ADK: variants seen among roughly 807,000 people sequenced by gnomAD.
The protein encoded by ADK is adenosine kinase.
A neutral mutation model predicts 44.7 loss-of-function variants in ADK; 24 were observed. That is an observed-to-expected ratio of 0.54 (90% CI 0.39 to 0.76). ADK has a LOEUF of 0.76. ADK is among the 30% of genes least tolerant of loss of function. The pLI, the probability that ADK is intolerant of heterozygous loss-of-function variation, is 0.00. For synonymous variants in ADK, 128 were observed against 142.6 expected (o/e 0.90, Z 0.73); for missense variants, 321 against 425.1 (o/e 0.76, Z 2.15).
chr10:74,547,342 C>T (rs1362252840), intron 7 of ADK, among the ~76,000 whole-genome samples: 1 of 151,336 alleles, frequency 6.6e-6, no homozygotes, highest in Non-Finnish European at 1.5e-5. Context: ...CTCCTTCATG[C>T]CATTGCATTT....
At chr10:74,693,752 C>T (rs1856072215) in intron 10 of ADK, among the ~76,000 whole-genome samples, 2 of 152,266 alleles carry the variant, frequency 1.3e-5, no homozygotes, top group Middle Eastern at 3.4e-3. Context: ...CTGTGTTTCC[C>T]TAAGCCTAAG....
intron 3 of ADK, among the ~76,000 whole-genome samples, chr10:74,250,926 G>T (rs561304846): frequency 6.6e-6 from 1 of 151,874 alleles, no homozygotes; most frequent in East Asian, 1.9e-4. Flanking sequence ...ATTTTTGGTA[G>T]AGACAAGGTC....
rs535156436 is a variant in ADK at position 74,394,003 on chromosome 10, G to A, written c.274-138G>A. 1.5e-5 allele frequency: 13 copies of A among 870,944 alleles called. No homozygotes were observed. In the East Asian group the frequency reaches 2.9e-4, roughly 20 times the overall value. The allele number at this position is 870,944 out of a possible 1,614,324, so 54.0% of individuals were successfully genotyped here. A position where few individuals can be genotyped will look rare whatever the true frequency, so the allele number is the denominator to read the frequency against. On this transcript the variant is annotated intron_variant, in intron 4 of 10. Coordinates refer to ENST00000539909, the MANE Select transcript of ADK (RefSeq NM_006721.4). Reference sequence around the variant, plus strand: ...TAAGTTTTTTTAATCGTAAGTGATAGCACAGAATTGAAATCCCATTCATAA... The same window carrying A: ...TAAGTTTTTTTAATCGTAAGTGATAACACAGAATTGAAATCCCATTCATAA...
chr10:74,691,049 A>C lies in ADK; in HGVS notation c.965-17272A>C, dbSNP rs535160990. ...TTCCTAAAGCAGCTAGAGATAATGAAAATAAAACCTTTAAAAAGAATGTAA... is the reference window on the plus strand; with the variant it reads ...TTCCTAAAGCAGCTAGAGATAATGACAATAAAACCTTTAAAAAGAATGTAA... On this transcript the variant is annotated intron_variant, in intron 10 of 10. Transcript: ENST00000539909. Among the ~76,000 whole-genome samples the C allele has an allele frequency of 5.3e-4, 81 of 152,354 alleles. 2 individuals are homozygous for C. In the South Asian group the frequency reaches 6.8e-3, roughly 13 times the overall value.
intron 6 of ADK, among the ~76,000 whole-genome samples, chr10:74,484,361 C>T (rs1473103587): frequency 6.6e-6 from 1 of 152,086 alleles, no homozygotes; most frequent in Non-Finnish European, 1.5e-5. Flanking sequence ...CCACTAGGCC[C>T]CTCTTCTAAC....
At chr10:74,205,240 A>T (rs1051896164) in intron 2 of ADK, among the ~76,000 whole-genome samples, 1 of 152,030 alleles carries the variant, frequency 6.6e-6, no homozygotes, top group Non-Finnish European at 1.5e-5. Flanking sequence ...TCATTCTGTT[A>T]TCTATCTATA....
At chr10:74,312,566 A>C (rs1288365939) in intron 3 of ADK, among the ~76,000 whole-genome samples, 1 of 151,942 alleles carries the variant, frequency 6.6e-6, no homozygotes, top group Non-Finnish European at 1.5e-5. Flanking sequence ...CAGTTAAAAA[A>C]ATCCTTTTAT....
At chr10:74,682,675 G>T (rs1280249944) in intron 10 of ADK, among the ~76,000 whole-genome samples, 1 of 151,026 alleles carries the variant, frequency 6.6e-6, no homozygotes, top group Non-Finnish European at 1.5e-5. Flanking sequence ...CCAGGTTTGA[G>T]TGATTCTCCA....
At chr10:74,472,218 AG>A (rs1235079948) in intron 6 of ADK, among the ~76,000 whole-genome samples, 2 of 152,168 alleles carry the variant, frequency 1.3e-5, no homozygotes, top group African/African-American at 2.4e-5. Flanking sequence ...AAAAGTGGCA[AG>A]GGGGGCATCC....
intron 6 of ADK, among the ~76,000 whole-genome samples, chr10:74,520,734 G>A (rs1420973032): frequency 1.3e-5 from 2 of 151,996 alleles, no homozygotes; most frequent in Non-Finnish European, 2.9e-5. Context: ...CGATTTCCAA[G>A]CATTAAGTCT....
At chr10:74,609,666 C>A (rs1365715697) in intron 9 of ADK, among the ~76,000 whole-genome samples, 1 of 152,012 alleles carries the variant, frequency 6.6e-6, no homozygotes, top group Admixed American at 6.6e-5. Context: ...AGGTGCAGAC[C>A]GGAGCTGTTC....
chr10:74,292,030 A>G (rs1847458996), intron 3 of ADK, among the ~76,000 whole-genome samples: 1 of 152,174 alleles, frequency 6.6e-6, no homozygotes, highest in Non-Finnish European at 1.5e-5. Context: ...TGACTGCATC[A>G]CTAGAATCAT....
intron 4 of ADK, among the ~76,000 whole-genome samples, chr10:74,332,105 AC>A (rs1167004722): frequency 6.6e-6 from 1 of 150,754 alleles, no homozygotes; most frequent in African/African-American, 2.4e-5. Flanking sequence ...TGATCCACCC[AC>A]CTAGGCCTCC....
chr10:74,175,134 C>T (rs1242922816), intron 1 of ADK, among the ~76,000 whole-genome samples: 9 of 152,148 alleles, frequency 5.9e-5, no homozygotes, highest in Non-Finnish European at 7.3e-5. Flanking sequence ...TGTTGGCTCA[C>T]GCCTGGAAGG....
intron 10 of ADK, among the ~76,000 whole-genome samples, chr10:74,683,299 T>G (rs1855679861): frequency 3.3e-5 from 5 of 152,212 alleles, no homozygotes; most frequent in Non-Finnish European, 7.3e-5. Context: ...GCAGCAGACA[T>G]TTTATATGTA....
chr10:74,648,967 G>A (rs759115300), intron 9 of ADK, among the ~76,000 whole-genome samples: 5 of 152,034 alleles, frequency 3.3e-5, no homozygotes, highest in Non-Finnish European at 5.9e-5. Flanking sequence ...GGATTACGAC[G>A]TCAGGAGATC....
At position 74,163,453 on chromosome 10, in the gene ADK, A is replaced by C. The variant is rs141562698; in HGVS notation, c.65+12110A>C. On this transcript the variant is annotated intron_variant, in intron 1 of 10. Coordinates refer to ENST00000539909, the MANE Select transcript of ADK (RefSeq NM_006721.4). ...TGTGTTAGCAAGCCTTTAATTAGTAAGGCTGTTTGCAGTGTAATTAGAACT... is the reference window on the plus strand; with the variant it reads ...TGTGTTAGCAAGCCTTTAATTAGTACGGCTGTTTGCAGTGTAATTAGAACT... Among the ~76,000 whole-genome samples, 1,038 of 152,352 alleles carry C rather than the reference A, an allele frequency of 6.8e-3. 6 individuals carry two copies. The highest frequency in any genetic ancestry group is 0.011 in the Non-Finnish European group (760 of 68,024).
intron 7 of ADK, among the ~76,000 whole-genome samples, chr10:74,539,274 G>A (rs113710670): frequency 0.025 from 3,798 of 152,096 alleles, 142 homozygotes; most frequent in African/African-American, 0.075. Context: ...CAGTCTTCCC[G>A]CCTTGGCCTC....
At chr10:74,216,744 A>T (rs561854621) in intron 2 of ADK, among the ~76,000 whole-genome samples, 1 of 152,100 alleles carries the variant, frequency 6.6e-6, no homozygotes, top group Non-Finnish European at 1.5e-5. Flanking sequence ...AATAAAAAAA[A>T]AAAAGTTTCA....
Sources: allele counts gnomAD v4.1 joint callset (sites outside exome capture counted in the v4.1 genomes callset), GRCh38; gene constraint gnomAD v4.1.1; transcripts MANE v1.5; gene names NCBI Gene and HGNC (gene_info 2026-07-23, HGNC 2026-07-21).